Variants in RSRC1 observed in about 807,000 individuals in gnomAD.
RSRC1 encodes the protein arginine and serine rich coiled-coil 1.
In RSRC1, 39 loss-of-function variants were observed where a neutral mutation model predicts 49.1. The observed-to-expected ratio is 0.79, with a 90% confidence interval of 0.61 to 1.04. The LOEUF (loss-of-function observed/expected upper bound fraction) is 1.04. RSRC1 is among the 50% of genes least tolerant of loss of function. The pLI, the probability that RSRC1 is intolerant of heterozygous loss-of-function variation, is 0.00. For missense variants in RSRC1, 388 were observed against 402.4 expected, an observed-to-expected ratio of 0.96 and a Z score of 0.31; for synonymous variants, 143 against 130.8, an observed-to-expected ratio of 1.09 and a Z score of -0.63.
chr3:158,515,449 C>T (rs887355578), intron 7 of RSRC1, among the ~76,000 whole-genome samples: 3 of 135,038 alleles, frequency 2.2e-5, no homozygotes. Context: ...TGGCTTGTAG[C>T]GTTTCTGCCG....
intron 6 of RSRC1, among the ~76,000 whole-genome samples, chr3:158,371,562 A>G (rs1732081439): frequency 6.6e-6 from 1 of 151,862 alleles, no homozygotes; most frequent in South Asian, 2.1e-4. Flanking sequence ...ATGTATCAGT[A>G]GCTTATTTAC....
At chr3:158,492,647 T>C (rs922486066) in intron 7 of RSRC1, among the ~76,000 whole-genome samples, 16 of 152,220 alleles carry the variant, frequency 1.1e-4, no homozygotes, top group African/African-American at 3.9e-4. Flanking sequence ...TTATCCTGAC[T>C]TCTGTTCTCA....
chr3:158,524,708 A>G (rs187095793), intron 7 of RSRC1, among the ~76,000 whole-genome samples: 2 of 152,132 alleles, frequency 1.3e-5, no homozygotes, highest in Non-Finnish European at 2.9e-5. Flanking sequence ...ATATAGAACA[A>G]TGGAGCAGGG....
chr3:158,297,395 A>G (rs1298989933), intron 4 of RSRC1, among the ~76,000 whole-genome samples: 1 of 152,026 alleles, frequency 6.6e-6, no homozygotes, highest in Non-Finnish European at 1.5e-5. Context: ...TACTTAAAAT[A>G]TATCATGATA....
intron 6 of RSRC1, among the ~76,000 whole-genome samples, chr3:158,446,720 T>C (rs1736741337): frequency 6.6e-6 from 1 of 152,092 alleles, no homozygotes; most frequent in South Asian, 2.1e-4. Flanking sequence ...TACCAGTTTT[T>C]CTTATCTCTT....
At chr3:158,469,624 C>G (rs1180865604) in intron 7 of RSRC1, 1 of 153,358 alleles carries the variant, frequency 6.5e-6, no homozygotes, top group Non-Finnish European at 1.5e-5. Context: ...ACACTGTCTA[C>G]CTGTCAAGTT....
intron 4 of RSRC1, among the ~76,000 whole-genome samples, chr3:158,285,303 C>G (rs375693695): frequency 2.6e-5 from 4 of 152,016 alleles, no homozygotes; most frequent in Non-Finnish European, 4.4e-5. Flanking sequence ...GTAGCCTTGT[C>G]GTATAGTTTG....
chr3:158,318,172 C>T (rs974131304), intron 5 of RSRC1, among the ~76,000 whole-genome samples: 1 of 152,020 alleles, frequency 6.6e-6, no homozygotes, highest in African/African-American at 2.4e-5. Flanking sequence ...ACAACCCCTG[C>T]CCTGGAGCAT....
intron 4 of RSRC1, among the ~76,000 whole-genome samples, chr3:158,224,709 G>T (rs1198618583): frequency 2.0e-5 from 3 of 151,590 alleles, no homozygotes; most frequent in Non-Finnish European, 4.4e-5. Context: ...AACTCTAATT[G>T]TTCACAACAT....
chr3:158,276,497 C>T, intron 4 of RSRC1: 1 of 573,532 alleles, frequency 1.7e-6, no homozygotes, highest in East Asian at 2.8e-5. Flanking sequence ...TAACATTTGT[C>T]TTTTTTTCAT....
chr3:158,232,697 C>T (rs923180582), intron 4 of RSRC1, among the ~76,000 whole-genome samples: 2 of 151,930 alleles, frequency 1.3e-5, no homozygotes, highest in Admixed American at 1.3e-4. Flanking sequence ...CTGGGGAGCA[C>T]GGCATAATTT....
At chr3:158,396,486 A>T (rs186132460) in intron 6 of RSRC1, among the ~76,000 whole-genome samples, 1 of 151,902 alleles carries the variant, frequency 6.6e-6, no homozygotes, top group East Asian at 1.9e-4. Flanking sequence ...TAATTTGTTC[A>T]TAGTGAGGGA....
Position 158,438,380 on chromosome 3 carries a change from A to C in RSRC1, c.584-22555A>C, listed in dbSNP as rs1170480725. 2.0e-5 allele frequency among the ~76,000 whole-genome samples: 3 copies of C among 152,302 alleles called. No individual in the cohort carries two copies. The East Asian group carries it at 5.8e-4, about 29-fold the overall frequency. On this transcript the variant is annotated intron_variant, in intron 6 of 9. Transcript: ENST00000611884. ...AGCCAAGACAATCCTAAGCAAAAAG[A>C]ACAAAGCTGGAGGTATCATGCTACC...
intron 5 of RSRC1, among the ~76,000 whole-genome samples, chr3:158,320,441 A>G (rs1449350556): frequency 6.6e-6 from 1 of 152,174 alleles, no homozygotes; most frequent in Non-Finnish European, 1.5e-5. Flanking sequence ...TTTTATCTAC[A>G]CATTGTAGGA....
intron 4 of RSRC1, among the ~76,000 whole-genome samples, chr3:158,281,422 T>C (rs148211732): frequency 6.6e-6 from 1 of 151,832 alleles, no homozygotes; most frequent in Non-Finnish European, 1.5e-5. Context: ...TTTTTGCACA[T>C]GTACGTATAG....
At chr3:158,197,695 T>C (rs956853728) in intron 3 of RSRC1, among the ~76,000 whole-genome samples, 4 of 152,196 alleles carry the variant, frequency 2.6e-5, no homozygotes, top group African/African-American at 4.8e-5. Context: ...TATTATGTCT[T>C]TGTTCTCGTT....
chr3:158,383,490 GCTGA>G (rs1038713345), intron 6 of RSRC1, among the ~76,000 whole-genome samples: 2 of 150,932 alleles, frequency 1.3e-5, no homozygotes, highest in Admixed American at 1.3e-4. Flanking sequence ...GGCTGTATGT[GCTGA>G]CTAACAAGGG....
intron 6 of RSRC1, among the ~76,000 whole-genome samples, chr3:158,437,086 T>TAGA (rs974034234): frequency 1.3e-5 from 2 of 151,956 alleles, no homozygotes; most frequent in Non-Finnish European, 2.9e-5. Context: ...AAGAAACGTC[T>TAGA]TCCAATTCTT....
chr3:158,330,517 C>A (rs919792676), intron 5 of RSRC1, among the ~76,000 whole-genome samples: 2 of 152,226 alleles, frequency 1.3e-5, no homozygotes, highest in South Asian at 4.1e-4. Flanking sequence ...CAATTTTGGA[C>A]ACCTTTTCGT....
Sources: gnomAD v4.1 joint callset for allele counts (sites outside exome capture counted in the v4.1 genomes callset) on GRCh38, gnomAD v4.1.1 for gene constraint, MANE v1.5 for transcripts, NCBI Gene and HGNC (gene_info 2026-07-23, HGNC 2026-07-21) for gene names.